The following RNF24 variants were observed in gnomAD, a reference collection of about 807,000 sequenced individuals.
RNF24 encodes ring finger protein 24.
In RNF24, 14 loss-of-function variants were observed where a neutral mutation model predicts 20.0. That is an observed-to-expected ratio of 0.70 (90% CI 0.46 to 1.10). The LOEUF is 1.10. RNF24 is among the 50% of genes least tolerant of loss of function. The probability of loss-of-function intolerance (pLI) is 0.00; values close to 1 mark genes in which losing one functional copy is unlikely to be tolerated. For missense variants in RNF24, 124 were observed against 177.6 expected (o/e 0.70, Z 1.71); for synonymous variants, 45 against 61.1 (o/e 0.74, Z 1.23).
rs1026477472 is a variant in RNF24, at chr20:3,934,429, C to A, written c.309-228G>T. ...CAATCCCCTCTTCCTTCCAGAGCCT[C>A]CCATCTTCCACGTGTGAAGCCACAG... On this transcript the variant is annotated intron_variant, in intron 5 of 5. Transcript: ENST00000358395. The surrounding 1 kb of genome is among the most constrained non-coding windows in gnomAD (Gnocchi z 4.0). Among the ~76,000 whole-genome samples, 2 of 152,196 alleles carry A rather than the reference C, an allele frequency of 1.3e-5. No individual in the cohort carries two copies. Among genetic ancestry groups the A allele is most frequent in the East Asian group, 3.9e-4 (2 of 5,194 alleles).
rs890540347 is a variant in RNF24 at position 3,949,947 on chromosome 20, C to G, written c.144-1668G>C. 4.3e-4 allele frequency among the ~76,000 whole-genome samples: 66 copies of G among 152,204 alleles called. 1 individual carries two copies. The highest frequency in any genetic ancestry group is 1.6e-3 in the African/African-American group (65 of 41,444). ...TAACAAATGTAGGTCTATGATCCATCTGAAATTGGTCTTTATGTATGCTGT... is the reference window on the plus strand; with the variant it reads ...TAACAAATGTAGGTCTATGATCCATGTGAAATTGGTCTTTATGTATGCTGT... On this transcript the variant is annotated intron_variant, in intron 2 of 5. Transcript: ENST00000358395.
intron 1 of RNF24, among the ~76,000 whole-genome samples, chr20:4,014,112 A>C (rs920199401): frequency 4.6e-5 from 7 of 152,232 alleles, no homozygotes; most frequent in African/African-American, 1.7e-4. Context: ...GAGGACAATG[A>C]AAAAAGGTGT....
At chr20:3,974,005 T>C (rs543098334) in intron 1 of RNF24, among the ~76,000 whole-genome samples, 1 of 151,570 alleles carries the variant, frequency 6.6e-6, no homozygotes, top group South Asian at 2.1e-4. Context: ...GTAAATAGAA[T>C]TTTACAACAC....
chr20:4,001,201 A>G (rs1438646291), intron 1 of RNF24, among the ~76,000 whole-genome samples: 1 of 152,184 alleles, frequency 6.6e-6, no homozygotes, highest in Non-Finnish European at 1.5e-5. Flanking sequence ...CGGGAGGCAG[A>G]GGTTGCAGCG....
At chr20:3,937,645 A>G in intron 4 of RNF24, among the ~76,000 whole-genome samples, 1 of 151,154 alleles carries the variant, frequency 6.6e-6, no homozygotes, top group Non-Finnish European at 1.5e-5. Context: ...CCAACCACTA[A>G]TCTACTTTCT....
Position 3,951,223 on chromosome 20 carries a change from C to T in RNF24, c.144-2944G>A, listed in dbSNP as rs796639362. ...CCGCCTGCCTTGGCCTCCCAAAGTG[C>T]TGGGATTACAGGCGTGAGCCACCGC... On this transcript the variant is annotated intron_variant, in intron 2 of 5. Coordinates refer to ENST00000358395, the MANE Select transcript of RNF24 (RefSeq NM_001134337.3). 3.3e-5 allele frequency among the ~76,000 whole-genome samples: 5 copies of T among 152,328 alleles called. 1 individual carries two copies. The highest frequency in any genetic ancestry group is 1.9e-4 in the East Asian group (1 of 5,188).
chr20:3,967,986 A>C (rs1173593510), intron 1 of RNF24, among the ~76,000 whole-genome samples: 1 of 150,030 alleles, frequency 6.7e-6, no homozygotes, highest in African/African-American at 2.5e-5. Context: ...AAAAAAAAAA[A>C]AAAAAAAAAG....
At chr20:3,987,307 G>A (rs1043881870) in intron 1 of RNF24, among the ~76,000 whole-genome samples, 1 of 152,128 alleles carries the variant, frequency 6.6e-6, no homozygotes. Context: ...AAAGAAATAC[G>A]AAGCAATGAG....
rs2090849133 is a variant in RNF24 at position 3,933,398 on chromosome 20, G to C, written c.*665C>G. ...TCTGGACGGGCCTTACTGGTGCATA[G>C]GAGAGGGAAATGATAAGAGGAAATG... On this transcript the variant is annotated 3_prime_UTR_variant, in exon 6 of 6. Transcript: ENST00000358395. 2.6e-6 allele frequency: 1 copy of C among 391,966 alleles called. No individual in the cohort carries two copies. Among genetic ancestry groups the C allele is most frequent in the African/African-American group, 2.1e-5 (1 of 48,668 alleles). 24.3% of individuals were successfully genotyped at this position (391,966 alleles called of 1,614,324 possible).
intron 4 of RNF24, among the ~76,000 whole-genome samples, chr20:3,940,566 C>A (rs2090943668): frequency 6.6e-6 from 1 of 152,120 alleles, no homozygotes; most frequent in African/African-American, 2.4e-5. Context: ...GGCAAAAAAA[C>A]CTATATATTT....
chr20:4,010,671 T>C (rs1982389981), intron 1 of RNF24, among the ~76,000 whole-genome samples: 1 of 152,232 alleles, frequency 6.6e-6, no homozygotes, highest in Non-Finnish European at 1.5e-5. Flanking sequence ...TCAATTGATA[T>C]TTTCATTGTT....
chr20:3,939,874 T>G, intron 4 of RNF24, among the ~76,000 whole-genome samples: 1 of 152,326 alleles, frequency 6.6e-6, no homozygotes, highest in Non-Finnish European at 1.5e-5. Flanking sequence ...CTTTTCAACG[T>G]TTTATAGTTT....
Position 3,927,941 on chromosome 20 carries a change from T to G in RNF24, c.*6122A>C, listed in dbSNP as rs2090749400. 6.6e-6 allele frequency: 1 copy of G among 152,200 alleles called. No individual in the cohort carries two copies. The highest frequency in any genetic ancestry group is 6.5e-5 in the Admixed American group (1 of 15,284). The allele number at this position is 152,200 out of a possible 1,614,324, so 9.4% of individuals were successfully genotyped here. A position where few individuals can be genotyped will look rare whatever the true frequency, so the allele number is the denominator to read the frequency against. On this transcript the variant is annotated 3_prime_UTR_variant, in exon 6 of 6. Transcript: ENST00000358395. ...AAAAGTGGAGTACATCTTTGCATCT[T>G]GTAACAATTTGGGCTCTACAGCTGA... is the stretch of plus-strand genomic sequence containing the variant.
At chr20:3,944,892 A>C (rs2090998818) in intron 4 of RNF24, among the ~76,000 whole-genome samples, 1 of 152,152 alleles carries the variant, frequency 6.6e-6, no homozygotes, top group Non-Finnish European at 1.5e-5. Flanking sequence ...GAGTAGAAAA[A>C]CTAACGTATC....
At chr20:3,996,689 C>A (rs1239770024) in intron 1 of RNF24, among the ~76,000 whole-genome samples, 1 of 152,182 alleles carries the variant, frequency 6.6e-6, no homozygotes, top group Non-Finnish European at 1.5e-5. Context: ...GTAACTGATG[C>A]ACATGAAGTT....
intron 1 of RNF24, among the ~76,000 whole-genome samples, chr20:3,978,650 A>T (rs1979108912): frequency 6.6e-6 from 1 of 152,230 alleles, no homozygotes; most frequent in African/African-American, 2.4e-5. Flanking sequence ...AAAATATAGC[A>T]GGCAAGTATA....
intron 1 of RNF24, among the ~76,000 whole-genome samples, chr20:3,964,958 G>A (rs1474662115): frequency 6.6e-6 from 1 of 151,930 alleles, no homozygotes; most frequent in African/African-American, 2.4e-5. Flanking sequence ...CCACTGCCTT[G>A]CTCATGTGTT....
At position 3,930,370 on chromosome 20, in the gene RNF24, A is replaced by G. The variant is rs933355806; in HGVS notation, c.*3693T>C. Reference sequence around the variant, plus strand: ...TTTGGCTGAGGTTCTGTTCCTATCAATCATGATGGCAGAGGAGCCCATGTA... The same window carrying G: ...TTTGGCTGAGGTTCTGTTCCTATCAGTCATGATGGCAGAGGAGCCCATGTA... On this transcript the variant is annotated 3_prime_UTR_variant, in exon 6 of 6. Transcript: ENST00000358395. 2 of 152,186 alleles carry G rather than the reference A, an allele frequency of 1.3e-5. No homozygotes were observed. The highest frequency in any genetic ancestry group is 4.8e-5 in the African/African-American group (2 of 41,436). 9.4% of individuals were successfully genotyped at this position (152,186 alleles called of 1,614,324 possible).
intron 1 of RNF24, among the ~76,000 whole-genome samples, chr20:3,971,116 T>TA (rs1385043161): frequency 6.6e-6 from 1 of 151,686 alleles, no homozygotes; most frequent in Non-Finnish European, 1.5e-5. Context: ...AAAACAACAC[T>TA]AAAAAATCTT....
Sources: allele counts gnomAD v4.1 joint callset (sites outside exome capture counted in the v4.1 genomes callset), GRCh38; gene constraint gnomAD v4.1.1; non-coding constraint Gnocchi (gnomAD v3.1); transcripts MANE v1.5; gene names NCBI Gene and HGNC (gene_info 2026-07-23, HGNC 2026-07-21).